Variants in CHRM3 observed in about 807,000 individuals in gnomAD.
CHRM3 encodes muscarinic acetylcholine receptor M3.
Under a neutral mutation model 41.8 loss-of-function variants are expected in CHRM3, and 11 were observed. The observed-to-expected ratio is 0.26, with a 90% CI of 0.17 to 0.44. CHRM3 has a LOEUF of 0.44. CHRM3 is among the 20% of genes least tolerant of loss of function. The pLI is 1.00. For synonymous variants in CHRM3, 297 were observed against 301.4 expected (o/e 0.99, Z 0.15); for missense variants, 571 against 745.4 (o/e 0.77, Z 2.72).
chr1:239,605,845 A>G (rs1666178290), intron 3 of CHRM3, among the ~76,000 whole-genome samples: 1 of 152,214 alleles, frequency 6.6e-6, no homozygotes, highest in Admixed American at 6.5e-5. Flanking sequence ...TAACACTTAG[A>G]AAGGTATATG....
intron 3 of CHRM3, among the ~76,000 whole-genome samples, chr1:239,556,029 G>A (rs1474724662): frequency 2.0e-5 from 3 of 152,226 alleles, no homozygotes; most frequent in Admixed American, 2.0e-4. Flanking sequence ...AGCTCAGCCA[G>A]TAAATAGGTA....
chr1:239,469,510 G>T (rs1665961388), intron 1 of CHRM3, among the ~76,000 whole-genome samples: 1 of 152,022 alleles, frequency 6.6e-6, no homozygotes, highest in South Asian at 2.1e-4. Context: ...AGTTGTGAGG[G>T]TTATGTTTTA....
intron 5 of CHRM3, among the ~76,000 whole-genome samples, chr1:239,726,562 G>A (rs543398998): frequency 1.3e-5 from 2 of 152,018 alleles, no homozygotes; most frequent in South Asian, 2.1e-4. Flanking sequence ...ATCAGGTTTT[G>A]TGGAGCTCAG....
chr1:239,596,852 T>A (rs1664838238), intron 3 of CHRM3, among the ~76,000 whole-genome samples: 3 of 152,136 alleles, frequency 2.0e-5, no homozygotes, highest in Non-Finnish European at 2.9e-5. Context: ...TATAATCTTT[T>A]AAATGCTGTA....
At chr1:239,437,135 C>T (rs1224825183) in intron 1 of CHRM3, among the ~76,000 whole-genome samples, 1 of 152,082 alleles carries the variant, frequency 6.6e-6, no homozygotes, top group African/African-American at 2.4e-5. Flanking sequence ...CCTTTTAAGA[C>T]AGGGAGGGTC....
intron 3 of CHRM3, among the ~76,000 whole-genome samples, chr1:239,582,454 C>A (rs1175271703): frequency 6.6e-6 from 1 of 152,052 alleles, no homozygotes; most frequent in Non-Finnish European, 1.5e-5. Context: ...TCACAAGACC[C>A]AATTTCCCTG....
At chr1:239,878,915 C>A (rs1275592969) in intron 6 of CHRM3, among the ~76,000 whole-genome samples, 2 of 152,110 alleles carry the variant, frequency 1.3e-5, no homozygotes, top group Non-Finnish European at 2.9e-5. Context: ...CTGGGGTTGA[C>A]CAGGTGGCCA....
intron 2 of CHRM3, among the ~76,000 whole-genome samples, chr1:239,509,696 G>C (rs1234405834): frequency 6.6e-6 from 1 of 152,072 alleles, no homozygotes; most frequent in East Asian, 1.9e-4. Context: ...TCAATGTTTG[G>C]GACTATATTC....
chr1:239,789,721 G>T (rs923193336), intron 5 of CHRM3, among the ~76,000 whole-genome samples: 2 of 152,118 alleles, frequency 1.3e-5, no homozygotes, highest in African/African-American at 4.8e-5. Flanking sequence ...TTCATGAGGG[G>T]TCCACCCCTA....
chr1:239,705,371 A>G (rs1661053424), intron 5 of CHRM3: 2 of 152,188 alleles, frequency 1.3e-5, no homozygotes, highest in African/African-American at 4.8e-5. Flanking sequence ...TTAATTTGCT[A>G]GAGTTGTTGC....
At chr1:239,846,387 G>GA (rs1674264546) in intron 6 of CHRM3, among the ~76,000 whole-genome samples, 1 of 152,184 alleles carries the variant, frequency 6.6e-6, no homozygotes, top group Non-Finnish European at 1.5e-5. Context: ...TTACAAGTTT[G>GA]AAAAAATCCA....
At chr1:239,738,484 G>A (rs1038561359) in intron 5 of CHRM3, among the ~76,000 whole-genome samples, 1 of 152,210 alleles carries the variant, frequency 6.6e-6, no homozygotes, top group Non-Finnish European at 1.5e-5. Context: ...GGGTTTGGGA[G>A]TCCAGGAAGC....
At chr1:239,665,546 G>A (rs563861735) in intron 4 of CHRM3, among the ~76,000 whole-genome samples, 2 of 151,898 alleles carry the variant, frequency 1.3e-5, no homozygotes, top group Non-Finnish European at 2.9e-5. Context: ...TATATTTTAA[G>A]TTCTGGCGTA....
chr1:239,910,081 G>GT lies in CHRM3; in HGVS notation c.*858dup, dbSNP rs1680273231. The GT allele has an allele frequency of 6.0e-6, 1 of 166,940 alleles. No individual in the cohort carries two copies. Among genetic ancestry groups the GT allele is most frequent in the Non-Finnish European group, 1.5e-5 (1 of 68,100 alleles). 10.3% of individuals were successfully genotyped at this position (166,940 alleles called of 1,614,324 possible). A position where few individuals can be genotyped will look rare whatever the true frequency, so the allele number is the denominator to read the frequency against. Reference sequence around the variant, plus strand: ...AGGTCTGTGCAGAGCGGACAGGCTCGTGAGTCAGCTGAGCGCCGTGGCTTC... The same window carrying GT: ...AGGTCTGTGCAGAGCGGACAGGCTCGTTGAGTCAGCTGAGCGCCGTGGCTTC... On this transcript the variant is annotated 3_prime_UTR_variant, in exon 7 of 7. Transcript: ENST00000676153.
rs1478704521 is a variant in CHRM3 at position 239,915,068 on chromosome 1, C to T, written c.*5844C>T. Reference sequence around the variant, plus strand: ...AAAATGGGCTTCCACGATGGTGAATCAGCATGCTGATTTCTCTTGGCAGGA... The same window carrying T: ...AAAATGGGCTTCCACGATGGTGAATTAGCATGCTGATTTCTCTTGGCAGGA... On this transcript the variant is annotated 3_prime_UTR_variant, in exon 7 of 7. Transcript: ENST00000676153. 1 of 167,074 alleles carries T rather than the reference C, an allele frequency of 6.0e-6. No individual in the cohort carries two copies. Among genetic ancestry groups the T allele is most frequent in the Admixed American group, 6.5e-5 (1 of 15,280 alleles). 10.3% of individuals were successfully genotyped at this position (167,074 alleles called of 1,614,324 possible).
intron 4 of CHRM3, among the ~76,000 whole-genome samples, chr1:239,644,522 C>G (rs1473121816): frequency 6.6e-6 from 1 of 152,152 alleles, no homozygotes; most frequent in Non-Finnish European, 1.5e-5. Context: ...AAAGATCATT[C>G]TATGCCTTAA....
At chr1:239,673,001 A>G (rs903459530) in intron 4 of CHRM3, among the ~76,000 whole-genome samples, 4 of 152,174 alleles carry the variant, frequency 2.6e-5, no homozygotes, top group African/African-American at 9.6e-5. Flanking sequence ...GAGACTCATG[A>G]TGAACATCTT....
intron 5 of CHRM3, among the ~76,000 whole-genome samples, chr1:239,795,517 G>A (rs1669696243): frequency 6.6e-6 from 1 of 152,160 alleles, no homozygotes; most frequent in Non-Finnish European, 1.5e-5. Context: ...CCTCCACTGT[G>A]TGGAAGTTGG....
chr1:239,412,223 T>C (rs1279809569), intron 1 of CHRM3, among the ~76,000 whole-genome samples: 2 of 116,680 alleles, frequency 1.7e-5, no homozygotes, highest in Non-Finnish European at 3.6e-5. Context: ...CCCACTCTTT[T>C]TCTCCCCTTT....
Sources: allele counts gnomAD v4.1 joint callset (sites outside exome capture counted in the v4.1 genomes callset), GRCh38; gene constraint gnomAD v4.1.1; transcripts MANE v1.5; gene names NCBI Gene and HGNC (gene_info 2026-07-23, HGNC 2026-07-21).